OSBP2: variants seen among roughly 807,000 people sequenced by gnomAD.
OSBP2 encodes the protein oxysterol-binding protein 2.
OSBP2 carries 66 observed loss-of-function variants against 96.0 expected under a neutral mutation model. The ratio of observed to expected loss-of-function variants is 0.69; its 90% CI spans 0.56 to 0.84. The LOEUF (loss-of-function observed/expected upper bound fraction) is 0.84. Ranked by LOEUF, OSBP2 falls within the 40% of genes least tolerant of loss-of-function variation. OSBP2 has a pLI of 0.00. For synonymous variants in OSBP2, 525 were observed against 520.9 expected (o/e 1.01, Z -0.11); for missense variants, 1,038 against 1,222.7 (o/e 0.85, Z 2.25).
At chr22:30,788,907 T>C (rs2090634751) in intron 2 of OSBP2, among the ~76,000 whole-genome samples, 1 of 152,068 alleles carries the variant, frequency 6.6e-6, no homozygotes, top group Non-Finnish European at 1.5e-5. Context: ...GAGTTGGGGT[T>C]TCGCCATGTT....
In OSBP2 at chr22:30,735,231, T is replaced by C. The variant is rs150773507; in HGVS notation, c.645-5930T>C. On this transcript the variant is annotated intron_variant, in intron 1 of 13. Transcript: ENST00000332585. ...ACCCTTAATAAAAAGTAACACTAAC[T>C]AGAATGAGTAAAGGATCAATTTAGA... is the stretch of plus-strand genomic sequence containing the variant. Among the ~76,000 whole-genome samples the C allele has an allele frequency of 3.3e-5, 5 of 152,202 alleles. No individual in the cohort carries two copies. In the East Asian group the frequency reaches 9.6e-4, roughly 29 times the overall value.
chr22:30,779,248 ATTTTTTTT>A (rs567486168), intron 2 of OSBP2, among the ~76,000 whole-genome samples: 1 of 119,716 alleles, frequency 8.4e-6, no homozygotes, highest in Non-Finnish European at 1.7e-5. Flanking sequence ...CACCCAGCTA[ATTTTTTTT>A]TTTTTTTTTT....
intron 1 of OSBP2, among the ~76,000 whole-genome samples, chr22:30,726,104 T>C (rs1462296379): frequency 6.6e-6 from 1 of 152,104 alleles, no homozygotes; most frequent in East Asian, 1.9e-4. Context: ...TAGGCTCCCA[T>C]AGAAGGTGAA....
At chr22:30,712,551 A>G (rs1203484266) in intron 1 of OSBP2, among the ~76,000 whole-genome samples, 1 of 152,218 alleles carries the variant, frequency 6.6e-6, no homozygotes, top group African/African-American at 2.4e-5. Flanking sequence ...AAAACTGATC[A>G]GGAATAGAAT....
intron 2 of OSBP2, among the ~76,000 whole-genome samples, chr22:30,799,152 C>T (rs2090815093): frequency 1.3e-5 from 2 of 150,350 alleles, no homozygotes; most frequent in Non-Finnish European, 3.0e-5. Flanking sequence ...CTGTGTCGCC[C>T]AGGCTGGAGT....
In OSBP2 at chr22:30,838,886, G is replaced by A. The variant is rs1602338712; in HGVS notation, c.854-31543G>A. ...GTTTTAGGGTACATGTGCACAATGT[G>A]CAGGTTAGTTACATATGTATACATG... On this transcript the variant is annotated intron_variant, in intron 2 of 13. Coordinates refer to ENST00000332585, the MANE Select transcript of OSBP2 (RefSeq NM_030758.4). Among the ~76,000 whole-genome samples, 3 of 151,200 alleles carry A rather than the reference G, an allele frequency of 2.0e-5. No homozygotes were observed. The East Asian group carries it at 5.8e-4, about 29-fold the overall frequency.
intron 2 of OSBP2, among the ~76,000 whole-genome samples, chr22:30,860,172 A>G (rs1004231689): frequency 6.6e-6 from 1 of 152,116 alleles, no homozygotes; most frequent in Non-Finnish European, 1.5e-5. Context: ...AAAAAAAAAT[A>G]CCAATATCCT....
At position 30,870,058 on chromosome 22, in the gene OSBP2, T is replaced by C. The variant is rs1488353838; in HGVS notation, c.854-371T>C. Among the ~76,000 whole-genome samples, 1 of 152,172 alleles carries C rather than the reference T, an allele frequency of 6.6e-6. No homozygotes were observed. On this transcript the variant is annotated intron_variant, in intron 2 of 13. Transcript: ENST00000332585. The surrounding 1 kb of genome is among the most constrained non-coding windows in gnomAD (Gnocchi z 4.1). ...GGGCCTCTGTGCCCAGAGAGCAGTCTCCACCTCTCCACCCAGCAGAGCCCA... is the reference window on the plus strand; with the variant it reads ...GGGCCTCTGTGCCCAGAGAGCAGTCCCCACCTCTCCACCCAGCAGAGCCCA...
At chr22:30,837,877 G>A (rs1456181261) in intron 2 of OSBP2, among the ~76,000 whole-genome samples, 1 of 152,166 alleles carries the variant, frequency 6.6e-6, no homozygotes, top group Admixed American at 6.5e-5. Context: ...ACCCTCTTTA[G>A]AATAATGTAG....
intron 1 of OSBP2, among the ~76,000 whole-genome samples, chr22:30,734,652 G>T (rs973717173): frequency 5.3e-5 from 8 of 152,072 alleles, no homozygotes; most frequent in African/African-American, 1.4e-4. Flanking sequence ...ACCCTTTCAG[G>T]ACTGAGTTTG....
At chr22:30,855,520 G>C (rs2039062556) in intron 2 of OSBP2, among the ~76,000 whole-genome samples, 2 of 152,218 alleles carry the variant, frequency 1.3e-5, no homozygotes, top group Admixed American at 6.5e-5. Flanking sequence ...AAGAATGGTA[G>C]CTGTTGCTGG....
At chr22:30,769,880 C>G (rs747008817) in intron 2 of OSBP2, among the ~76,000 whole-genome samples, 1 of 152,048 alleles carries the variant, frequency 6.6e-6, no homozygotes, top group Non-Finnish European at 1.5e-5. Context: ...CTGTGTCTCA[C>G]CCAAATCTCA....
At chr22:30,705,184 T>C (rs1374514627) in intron 1 of OSBP2, among the ~76,000 whole-genome samples, 1 of 152,188 alleles carries the variant, frequency 6.6e-6, no homozygotes, top group East Asian at 1.9e-4. Flanking sequence ...TCACAGACAC[T>C]TGTCTGATCT....
intron 3 of OSBP2, among the ~76,000 whole-genome samples, chr22:30,883,502 A>G (rs2039743615): frequency 6.6e-6 from 1 of 152,254 alleles, no homozygotes; most frequent in African/African-American, 2.4e-5. Flanking sequence ...CAGAGAGCCC[A>G]TGAACAGGTG....
At chr22:30,704,851 C>G (rs2089225565) in intron 1 of OSBP2, among the ~76,000 whole-genome samples, 1 of 152,180 alleles carries the variant, frequency 6.6e-6, no homozygotes. Flanking sequence ...CAAATTCAAG[C>G]TACCAGACAC....
chr22:30,865,435 G>T (rs896293082), intron 2 of OSBP2, among the ~76,000 whole-genome samples: 1 of 151,992 alleles, frequency 6.6e-6, no homozygotes, highest in East Asian at 1.9e-4. Context: ...GACCAGCCTG[G>T]CCAACATAGT....
chr22:30,788,859 C>G (rs1039706417), intron 2 of OSBP2, among the ~76,000 whole-genome samples: 2 of 152,102 alleles, frequency 1.3e-5, no homozygotes, highest in African/African-American at 4.8e-5. Flanking sequence ...ATTACAGGCG[C>G]CTGCCACCAC....
intron 2 of OSBP2, among the ~76,000 whole-genome samples, chr22:30,779,273 G>C (rs1555912447): frequency 7.7e-6 from 1 of 129,654 alleles, no homozygotes; most frequent in Non-Finnish European, 1.6e-5. Flanking sequence ...TTTTTTTCTG[G>C]TATTTTTAGT....
At chr22:30,774,272 C>T (rs1373022043) in intron 2 of OSBP2, among the ~76,000 whole-genome samples, 4 of 152,184 alleles carry the variant, frequency 2.6e-5, no homozygotes, top group East Asian at 1.9e-4. Flanking sequence ...ACATCCACTG[C>T]GGGGACAAAT....
Sources: gnomAD v4.1 joint callset for allele counts (sites outside exome capture counted in the v4.1 genomes callset) on GRCh38, gnomAD v4.1.1 for gene constraint, Gnocchi (gnomAD v3.1) non-coding constraint, MANE v1.5 for transcripts, NCBI Gene and HGNC (gene_info 2026-07-23, HGNC 2026-07-21) for gene names.